The following SGCD variants were observed in gnomAD, a reference collection of about 807,000 sequenced individuals.
SGCD encodes delta-sarcoglycan.
SGCD carries 18 observed loss-of-function variants against 36.6 expected under a neutral mutation model. That is an observed-to-expected ratio of 0.49 (90% confidence interval 0.34 to 0.73). The LOEUF is 0.73. SGCD is among the 30% of genes least tolerant of loss of function. The pLI is 0.01. For synonymous variants in SGCD, 133 were observed against 130.6 expected (o/e 1.02, Z -0.12); for missense variants, 387 against 346.7 (o/e 1.12, Z -0.92).
At chr5:156,181,247 A>G (rs1399508251) in intron 3 of SGCD, among the ~76,000 whole-genome samples, 1 of 152,210 alleles carries the variant, frequency 6.6e-6, no homozygotes, top group African/African-American at 2.4e-5. Context: ...ATAATTAGCA[A>G]TACAACTAAG....
At chr5:156,204,473 TAC>T (rs58745098) in intron 3 of SGCD, among the ~76,000 whole-genome samples, 14,675 of 147,270 alleles carry the variant, frequency 0.1, 1,627 homozygotes, top group African/African-American at 0.29. Context: ...AACACACTCA[TAC>T]ACACACACAC....
chr5:156,380,716 T>G (rs188949988), intron 3 of SGCD, among the ~76,000 whole-genome samples: 111 of 152,338 alleles, frequency 7.3e-4, no homozygotes, highest in African/African-American at 2.5e-3. Context: ...ATCTGTAAAA[T>G]GGGGATAGTG....
rs550350774 is a variant in SGCD at position 156,262,285 on chromosome 5, CT to C, written c.-43-67248del. ...ACACTGTATTTTTACTGTACACTTT[CT>C]ATGATTAGATATGTTTAGGTACATA... On this transcript the variant is annotated intron_variant, in intron 3 of 9. Coordinates refer to the SGCD transcript ENST00000517913. Among the ~76,000 whole-genome samples the C allele has an allele frequency of 2.4e-3, 364 of 152,200 alleles. 1 individual carries two copies. Among genetic ancestry groups the C allele is most frequent in the African/African-American group, 8.6e-3 (356 of 41,526 alleles).
intron 3 of SGCD, among the ~76,000 whole-genome samples, chr5:156,364,879 G>A (rs935843082): frequency 6.6e-6 from 1 of 152,148 alleles, no homozygotes; most frequent in African/African-American, 2.4e-5. Context: ...GGACATTTGA[G>A]TTATGGTCTG....
At chr5:156,570,273 A>G (rs1326515771) in intron 4 of SGCD, among the ~76,000 whole-genome samples, 2 of 152,222 alleles carry the variant, frequency 1.3e-5, no homozygotes, top group Non-Finnish European at 2.9e-5. Context: ...ATGGTTTAGT[A>G]TAATTGAAAA....
chr5:156,381,904 T>C (rs1561658706), intron 3 of SGCD, among the ~76,000 whole-genome samples: 2 of 152,230 alleles, frequency 1.3e-5, no homozygotes, highest in Non-Finnish European at 2.9e-5. Context: ...TAATAGTATA[T>C]TCCTCCTATG....
At chr5:156,194,223 A>G (rs548202151) in intron 3 of SGCD, among the ~76,000 whole-genome samples, 1 of 152,222 alleles carries the variant, frequency 6.6e-6, no homozygotes, top group African/African-American at 2.4e-5. Flanking sequence ...CACAAAAAAT[A>G]CAAAAATTAG....
At chr5:155,832,676 A>G in the SGCD span, among the ~76,000 whole-genome samples, 3 of 152,134 alleles carry the variant, frequency 2.0e-5, no homozygotes, top group Non-Finnish European at 4.4e-5. Context: ...GATTGATTAA[A>G]TCACACATTG....
chr5:156,647,739 AG>A, intron 7 of SGCD, among the ~76,000 whole-genome samples: 1 of 152,254 alleles, frequency 6.6e-6, no homozygotes, highest in Non-Finnish European at 1.5e-5. Context: ...ATGGGGTAAA[AG>A]GTTGCCCACT....
At chr5:155,776,790 A>G in the SGCD span, among the ~76,000 whole-genome samples, 2 of 152,160 alleles carry the variant, frequency 1.3e-5, no homozygotes, top group Non-Finnish European at 2.9e-5. Flanking sequence ...AAACTAACAG[A>G]TATTCCTTAT....
upstream of SGCD, among the ~76,000 whole-genome samples, chr5:155,870,057 A>G (rs112514185): frequency 4.6e-3 from 705 of 152,322 alleles, 2 homozygotes; most frequent in Non-Finnish European, 6.4e-3. Context: ...GATGAGTGAA[A>G]AGATTAAGTA....
At chr5:156,375,161 C>G (rs1455417788) in intron 3 of SGCD, among the ~76,000 whole-genome samples, 2 of 152,112 alleles carry the variant, frequency 1.3e-5, no homozygotes, top group Non-Finnish European at 2.9e-5. Flanking sequence ...TCTCTCTTTC[C>G]CTCTCCTTCC....
intron 1 of SGCD, among the ~76,000 whole-genome samples, chr5:156,024,098 G>A (rs950352539): frequency 1.3e-5 from 2 of 152,118 alleles, no homozygotes; most frequent in African/African-American, 2.4e-5. Context: ...GAGTTCCAAG[G>A]ATGGCAGCGT....
intron 3 of SGCD, among the ~76,000 whole-genome samples, chr5:156,237,435 G>A (rs1164691434): frequency 6.6e-6 from 1 of 151,724 alleles, no homozygotes; most frequent in Non-Finnish European, 1.5e-5. Flanking sequence ...GACCAGCCTG[G>A]CCAACACGGT....
At chr5:156,491,029 A>T (rs906900810) in intron 3 of SGCD, among the ~76,000 whole-genome samples, 5 of 152,150 alleles carry the variant, frequency 3.3e-5, no homozygotes, top group African/African-American at 7.2e-5. Context: ...AATTAGAAGT[A>T]TTTCTAAACA....
At chr5:155,840,662 A>G in the SGCD span, among the ~76,000 whole-genome samples, 2 of 151,654 alleles carry the variant, frequency 1.3e-5, no homozygotes, top group East Asian at 3.9e-4. Context: ...CCTCAGTTCT[A>G]GAATCTAGAA....
intron 4 of SGCD, among the ~76,000 whole-genome samples, chr5:156,544,918 G>C (rs1052417401): frequency 2.6e-5 from 4 of 152,170 alleles, no homozygotes; most frequent in African/African-American, 9.7e-5. Context: ...CTTGCCTAAG[G>C]TTCCATAGCT....
chr5:156,653,493 C>CTTTTGTTTTTTTTTTTTTTTTTTT (rs1763545708), intron 7 of SGCD, among the ~76,000 whole-genome samples: 1 of 48,082 alleles, frequency 2.1e-5, no homozygotes, highest in Non-Finnish European at 4.0e-5. Flanking sequence ...CTAAAGCTTG[C>CTTTTGTTTTTTTTTTTTTTTTTTT]TTTTTTTTTT....
At chr5:156,171,583 T>C (rs1763348634) in intron 3 of SGCD, among the ~76,000 whole-genome samples, 1 of 152,224 alleles carries the variant, frequency 6.6e-6, no homozygotes, top group South Asian at 2.1e-4. Context: ...TTAAAAGGTA[T>C]TGTGCAAATG....
Sources: allele counts gnomAD v4.1 joint callset (sites outside exome capture counted in the v4.1 genomes callset), GRCh38; gene constraint gnomAD v4.1.1; transcripts MANE v1.5; gene names NCBI Gene and HGNC (gene_info 2026-07-23, HGNC 2026-07-21).